The following CNTNAP2 variants were observed in gnomAD, a reference collection of about 807,000 sequenced individuals.
CNTNAP2 encodes the protein contactin-associated protein-like 2.
A neutral mutation model predicts 155.2 loss-of-function variants in CNTNAP2; 98 were observed. The ratio of observed to expected loss-of-function variants is 0.63; its 90% CI spans 0.54 to 0.75. The LOEUF is 0.75. CNTNAP2 is among the 30% of genes least tolerant of loss of function. The probability of loss-of-function intolerance (pLI) is 0.00; values close to 1 mark genes in which losing one functional copy is unlikely to be tolerated. For missense variants in CNTNAP2, 1,727 were observed against 1,688.1 expected (o/e 1.02, Z -0.40); for synonymous variants, 651 against 631.2 (o/e 1.03, Z -0.47).
intron 1 of CNTNAP2, among the ~76,000 whole-genome samples, chr7:146,173,119 T>C (rs1181598643): frequency 2.6e-5 from 4 of 152,168 alleles, no homozygotes; most frequent in South Asian, 4.1e-4. Flanking sequence ...TAGAAGTAAA[T>C]CTGCTCAAAG....
chr7:146,859,298 A>G (rs1222743609), intron 3 of CNTNAP2, among the ~76,000 whole-genome samples: 2 of 152,234 alleles, frequency 1.3e-5, no homozygotes, highest in African/African-American at 4.8e-5. Context: ...TAACAGTATT[A>G]TGCATTAGCC....
At chr7:147,349,360 CA>C (rs939716254) in intron 9 of CNTNAP2, among the ~76,000 whole-genome samples, 5 of 151,672 alleles carry the variant, frequency 3.3e-5, no homozygotes, top group Non-Finnish European at 3.0e-5. Context: ...TCTCAAAAAG[CA>C]AAAGTAGATA....
chr7:146,322,389 A>T (rs894678328), intron 1 of CNTNAP2, among the ~76,000 whole-genome samples: 1 of 152,108 alleles, frequency 6.6e-6, no homozygotes, highest in African/African-American at 2.4e-5. Context: ...AATGTGCATG[A>T]TGTTTAGAGG....
At chr7:147,205,506 T>C (rs1390028837) in intron 8 of CNTNAP2, among the ~76,000 whole-genome samples, 1 of 152,154 alleles carries the variant, frequency 6.6e-6, no homozygotes, top group Non-Finnish European at 1.5e-5. Flanking sequence ...TATCTTTACA[T>C]TTTTGTGTCC....
At chr7:147,515,077 T>A (rs945730598) in intron 11 of CNTNAP2, among the ~76,000 whole-genome samples, 3 of 152,064 alleles carry the variant, frequency 2.0e-5, no homozygotes. Context: ...CACATTTTAA[T>A]CATACTGGAT....
At chr7:146,787,271 G>A (rs571490808) in intron 2 of CNTNAP2, among the ~76,000 whole-genome samples, 101 of 152,288 alleles carry the variant, frequency 6.6e-4, no homozygotes, top group African/African-American at 2.3e-3. Flanking sequence ...TACTGTGTGC[G>A]GAATTGGTGG....
intron 1 of CNTNAP2, chr7:146,195,048 A>T (rs1471862297): frequency 6.6e-6 from 1 of 152,232 alleles, no homozygotes; most frequent in Non-Finnish European, 1.5e-5. Flanking sequence ...TTATTTTACA[A>T]TAAAGAATAT....
At chr7:146,453,615 C>T (rs1796513353) in intron 1 of CNTNAP2, among the ~76,000 whole-genome samples, 2 of 152,138 alleles carry the variant, frequency 1.3e-5, no homozygotes, top group South Asian at 4.2e-4. Context: ...CAATACTGAC[C>T]AAGAAATAAT....
chr7:147,227,766 G>C (rs1803582561), intron 8 of CNTNAP2, among the ~76,000 whole-genome samples: 1 of 152,130 alleles, frequency 6.6e-6, no homozygotes, highest in Non-Finnish European at 1.5e-5. Flanking sequence ...ATGATTCCAG[G>C]GAAGATGTGG....
At chr7:146,451,971 C>T (rs569125805) in intron 1 of CNTNAP2, among the ~76,000 whole-genome samples, 8 of 151,010 alleles carry the variant, frequency 5.3e-5, no homozygotes, top group Admixed American at 3.3e-4. Context: ...TGCAGTGGCG[C>T]GATCTCGACT....
chr7:147,460,722 G>A lies in CNTNAP2; in HGVS notation c.1671-25213G>A, dbSNP rs570475978. Among the ~76,000 whole-genome samples, 10 of 152,292 alleles carry A rather than the reference G, an allele frequency of 6.6e-5. No individual in the cohort carries two copies. The East Asian group carries it at 1.5e-3, about 24-fold the overall frequency. On this transcript the variant is annotated intron_variant, in intron 10 of 23. Transcript: ENST00000361727. ...TTCCCTATGTGAGTTTCATTTAAAG[G>A]AAATTGGTGCCTATACTAATAGCTG... is the stretch of plus-strand genomic sequence containing the variant.
At position 146,815,385 on chromosome 7, in the gene CNTNAP2, C is replaced by T. The variant is rs562559295; in HGVS notation, c.209-24326C>T. Among the ~76,000 whole-genome samples, 118 of 152,088 alleles carry T rather than the reference C, an allele frequency of 7.8e-4. 1 individual carries two copies. The highest frequency in any genetic ancestry group is 2.1e-3 in the Admixed American group (32 of 15,266). On this transcript the variant is annotated intron_variant, in intron 2 of 23. Coordinates refer to ENST00000361727, the MANE Select transcript of CNTNAP2 (RefSeq NM_014141.6). ...GTGATATTGGAAATTTACTGAAATT[C>T]GTAATGATTATATTTTATTTCTTTG...
chr7:147,427,353 G>A (rs1797394827), intron 10 of CNTNAP2, among the ~76,000 whole-genome samples: 2 of 152,108 alleles, frequency 1.3e-5, no homozygotes, highest in South Asian at 4.1e-4. Context: ...AGTCTTACCT[G>A]GAAGTATGTG....
chr7:146,865,828 C>G (rs1047455502), intron 3 of CNTNAP2, among the ~76,000 whole-genome samples: 1 of 152,078 alleles, frequency 6.6e-6, no homozygotes. Context: ...AAATGAAAAT[C>G]AAACCACATG....
chr7:147,351,075 A>G (rs1300496214), intron 9 of CNTNAP2, among the ~76,000 whole-genome samples: 1 of 151,722 alleles, frequency 6.6e-6, no homozygotes, highest in Admixed American at 6.6e-5. Context: ...GGAGTCAGTG[A>G]TTATCTTTGG....
chr7:146,504,683 G>A (rs1275865814), intron 1 of CNTNAP2, among the ~76,000 whole-genome samples: 1 of 152,186 alleles, frequency 6.6e-6, no homozygotes, highest in Non-Finnish European at 1.5e-5. Flanking sequence ...CATCACACTT[G>A]CAAAAACCAG....
intron 10 of CNTNAP2, among the ~76,000 whole-genome samples, chr7:147,411,659 AG>A (rs1245292458): frequency 1.3e-5 from 2 of 152,212 alleles, no homozygotes; most frequent in Non-Finnish European, 2.9e-5. Context: ...AGAAAGTAGG[AG>A]GGTCCACCTT....
At chr7:148,041,697 G>A (rs1045552377) in intron 15 of CNTNAP2, among the ~76,000 whole-genome samples, 2 of 152,132 alleles carry the variant, frequency 1.3e-5, no homozygotes, top group African/African-American at 4.8e-5. Context: ...TTGTTTATGG[G>A]AAGAATATCA....
Position 148,077,382 on chromosome 7 carries a change from C to T in CNTNAP2, c.2384-40736C>T, listed in dbSNP as rs965475772. The stretch of plus-strand genomic sequence containing the variant: ...ATATTTAAGGAAACATCTGCTTCTA[C>T]ATGTGTTTCTATCTGTGGTTCTGAA... On this transcript the variant is annotated intron_variant, in intron 15 of 23. Transcript: ENST00000361727. Among the ~76,000 whole-genome samples the T allele has an allele frequency of 2.0e-5, 3 of 152,014 alleles. 1 individual carries two copies. Among genetic ancestry groups the T allele is most frequent in the South Asian group, 2.1e-4 (1 of 4,824 alleles).
Sources: gnomAD v4.1 joint callset for allele counts (sites outside exome capture counted in the v4.1 genomes callset) on GRCh38, gnomAD v4.1.1 for gene constraint, MANE v1.5 for transcripts, NCBI Gene and HGNC (gene_info 2026-07-23, HGNC 2026-07-21) for gene names.